The following ROS1 variants were observed in gnomAD, a reference collection of about 807,000 sequenced individuals.
ROS1 encodes proto-oncogene tyrosine-protein kinase ROS.
In ROS1, 263 loss-of-function variants were observed where a neutral mutation model predicts 273.5. The observed-to-expected ratio is 0.96, with a 90% CI of 0.87 to 1.06. The LOEUF (loss-of-function observed/expected upper bound fraction) is 1.06, where lower values mean the gene tolerates loss of function less well. ROS1 is among the 50% of genes least tolerant of loss of function. ROS1 has a pLI of 0.00. For missense variants in ROS1, 2,833 were observed against 2,751.1 expected, an observed-to-expected ratio of 1.03 and a Z score of -0.67; for synonymous variants, 1,008 against 954.1, an observed-to-expected ratio of 1.06 and a Z score of -1.04.
chr6:117,425,109 A>T (rs4640916), intron 1 of ROS1, among the ~76,000 whole-genome samples: 18,967 of 152,218 alleles, frequency 0.12, 1,303 homozygotes, highest in African/African-American at 0.16. Flanking sequence ...TTACATGGCA[A>T]CTGTATCTGC....
chr6:117,359,023 T>C (rs1048878166), intron 24 of ROS1, among the ~76,000 whole-genome samples: 3 of 152,172 alleles, frequency 2.0e-5, no homozygotes, highest in African/African-American at 7.2e-5. Flanking sequence ...CTTAGCACAG[T>C]AAAGGAGGCC....
In ROS1 at chr6:117,366,252, C is replaced by G. The variant is rs760081041; in HGVS notation, c.2621G>C (p.Ser874Thr). The G allele has an allele frequency of 4.3e-6, 7 of 1,614,078 alleles. No homozygotes were observed. Among genetic ancestry groups the G allele is most frequent in the Non-Finnish European group, 5.9e-6 (7 of 1,179,972 alleles). ...DTTITEFAAWSTSEISQNALM... is the reference protein window; with the variant it reads ...DTTITEFAAWTTSEISQNALM... ...TGCATTCTGGGAAATTTCAGAAGTACTCCAGGCTGCAAATTCTGTGATGGT... is the reference window on the plus strand; with the variant it reads ...TGCATTCTGGGAAATTTCAGAAGTAGTCCAGGCTGCAAATTCTGTGATGGT... The change falls in exon 19 of 44, where the codon AGT becomes ACT. Residue 874 changes from serine to threonine, a missense_variant. Transcript: ENST00000368507.
At chr6:117,375,912 C>G (rs1177947526) in intron 18 of ROS1, among the ~76,000 whole-genome samples, 1 of 151,896 alleles carries the variant, frequency 6.6e-6, no homozygotes, top group Non-Finnish European at 1.5e-5. Flanking sequence ...TAATATAGAC[C>G]TTGAAAGAAA....
chr6:117,394,088 A>T, intron 11 of ROS1, 74 bp downstream of exon 11: 1 of 920,126 alleles, frequency 1.1e-6, no homozygotes, highest in Non-Finnish European at 1.6e-6. Context: ...AATTGTGTTT[A>T]GTATTAAATA....
In ROS1 at chr6:117,365,189, G is replaced by T; in HGVS notation, c.2974C>A (p.Gln992Lys). Residue 992 changes from glutamine (Q) to lysine (K), a missense_variant, in exon 21 of 44, where the codon CAA (glutamine) becomes AAA (lysine). Coordinates refer to ENST00000368507, the MANE Select transcript of ROS1 (RefSeq NM_001378902.1). ...SAHSKFLASEQHSLPVFTVEG... is the reference protein window; with the variant it reads ...SAHSKFLASEKHSLPVFTVEG... ...ACAGTAAATACAGGTAAAGAGTGTT[G>T]TTCACTAGCCAAGAACTAAAATATA... The T allele has an allele frequency of 3.1e-6, 5 of 1,602,356 alleles. No individual in the cohort carries two copies. The highest frequency in any genetic ancestry group is 2.7e-5 in the African/African-American group (2 of 74,398).
At position 117,389,396 on chromosome 6, in the gene ROS1, G is replaced by C. The variant is rs2128703724; in HGVS notation, c.1740C>G (p.His580Gln). 1 of 1,614,178 alleles carries C rather than the reference G, an allele frequency of 6.2e-7. No individual in the cohort carries two copies. The highest frequency in any genetic ancestry group is 8.5e-7 in the Non-Finnish European group (1 of 1,180,044). The change falls in exon 13 of 44, where the codon CAC becomes CAG. Residue 580 changes from histidine to glutamine, a missense_variant. Coordinates refer to ENST00000368507, the MANE Select transcript of ROS1 (RefSeq NM_001378902.1). ...GAGGCTTCCATTGAACAAGAGCCTGGTGAGAGCCAAACAGCACCGAAAGCT... is the reference window on the plus strand; with the variant it reads ...GAGGCTTCCATTGAACAAGAGCCTGCTGAGAGCCAAACAGCACCGAAAGCT... The part of the protein sequence containing the change: ...PQELSVLFGS[H>Q]QALVQWKPPA...
At chr6:117,408,656 C>T (rs549101644) in intron 5 of ROS1, among the ~76,000 whole-genome samples, 3 of 152,262 alleles carry the variant, frequency 2.0e-5, no homozygotes, top group Non-Finnish European at 2.9e-5. Context: ...GTCAGTGTGG[C>T]GATTCCTTAG....
At chr6:117,361,858 G>A (rs550133663) in intron 22 of ROS1, among the ~76,000 whole-genome samples, 4 of 151,938 alleles carry the variant, frequency 2.6e-5, no homozygotes, top group South Asian at 2.1e-4. Flanking sequence ...TTCCAGCCAC[G>A]CAGCTTTGGT....
At chr6:117,392,520 A>G (rs1773148011) in intron 12 of ROS1, among the ~76,000 whole-genome samples, 1 of 152,180 alleles carries the variant, frequency 6.6e-6, no homozygotes, top group African/African-American at 2.4e-5. Flanking sequence ...TCATATTCAT[A>G]TATATCTGGA....
At position 117,409,585 on chromosome 6, in the gene ROS1, G is replaced by C. The variant is rs1562379765; in HGVS notation, c.313C>G (p.Leu105Val). 2 of 1,612,792 alleles carry C rather than the reference G, an allele frequency of 1.2e-6. No homozygotes were observed. Among genetic ancestry groups the C allele is most frequent in the African/African-American group, 1.3e-5 (1 of 74,952 alleles). The change falls in exon 5 of 44, where the codon CTG becomes GTG. Residue 105 changes from leucine (L) to valine (V), a missense_variant. Transcript: ENST00000368507. ...AAAGTCGTGTGTGTCCTCTTACCCA[G>C]TACTTCCTCTTCATATGCACCTTCC... ...SAEGAYEEEV[L>V]ENADLPTAPF...
chr6:117,418,438 T>C (rs2128746343), intron 2 of ROS1, 24 bp downstream of exon 2: 1 of 1,543,906 alleles, frequency 6.5e-7, no homozygotes, highest in Non-Finnish European at 8.9e-7. Context: ...TGTAATATTC[T>C]TGACAACTGA....
At chr6:117,297,846 T>C (rs1774369807) in intron 43 of ROS1, among the ~76,000 whole-genome samples, 2 of 152,090 alleles carry the variant, frequency 1.3e-5, no homozygotes, top group African/African-American at 4.8e-5. Context: ...GATCTAGCAA[T>C]CAATCCAGCA....
chr6:117,334,302 C>T (rs1467723402), intron 32 of ROS1, among the ~76,000 whole-genome samples: 1 of 152,056 alleles, frequency 6.6e-6, no homozygotes, highest in African/African-American at 2.4e-5. Context: ...TGTGAAGGAC[C>T]TCTTCAAGGA....
rs766232395 is a variant in ROS1 at position 117,389,625 on chromosome 6, G to C, written c.1511C>G (p.Pro504Arg). ...SASHLILPRI[P>R]FADVKSFACE... ...AGCAAAACTTTTCACATCAGCAAAG[G>C]GGATGCGAGGTAGGATGAGATGGGA... The change falls in exon 13 of 44, where the codon CCC becomes CGC. Residue 504 changes from proline to arginine, a missense_variant. Pro to Arg is a moderately radical substitution (Grantham distance 103, BLOSUM62 -2). Transcript: ENST00000368507. The C allele has an allele frequency of 9.3e-6, 15 of 1,614,170 alleles. No homozygotes were observed. The highest frequency in any genetic ancestry group is 1.3e-5 in the Non-Finnish European group (15 of 1,180,024).
At chr6:117,383,009 T>C (rs1219943640) in intron 17 of ROS1, among the ~76,000 whole-genome samples, 2 of 152,138 alleles carry the variant, frequency 1.3e-5, no homozygotes, top group African/African-American at 4.8e-5. Context: ...CTTAAGACTA[T>C]AAAAACAGTT....
intron 6 of ROS1, 92 bp from the exon 7 acceptor site, chr6:117,403,369 G>T: frequency 1.6e-6 from 2 of 1,237,360 alleles, no homozygotes; most frequent in Non-Finnish European, 2.3e-6. Flanking sequence ...AAGATGGATG[G>T]CTCAACAGAG....
rs1772868237 is a variant in ROS1 at position 117,389,459 on chromosome 6, T to C, written c.1677A>G (p.Ser559=). 3.1e-6 allele frequency: 5 copies of C among 1,614,156 alleles called. No individual in the cohort carries two copies. In the East Asian group the frequency reaches 6.7e-5, roughly 22 times the overall value. ...CTGGCAGAGGGTGCAGCTGGGAGGA[T>C]GAGCCAAAGATGACCAAGTTACCAA... ...FGFGNLVIFG[S]SSQLHPLPGR... is the part of the protein sequence containing the mutation. The change falls in exon 13 of 44, where the codon TCA becomes TCG. Residue 559 remains serine, a synonymous_variant. Coordinates refer to ENST00000368507, the MANE Select transcript of ROS1 (RefSeq NM_001378902.1).
intron 31 of ROS1, among the ~76,000 whole-genome samples, chr6:117,338,291 G>A (rs752606445): frequency 3.3e-5 from 5 of 151,798 alleles, no homozygotes; most frequent in Non-Finnish European, 7.4e-5. Flanking sequence ...TTTCTATTCA[G>A]TAAGGAATGA....
At chr6:117,389,943 T>A in intron 12 of ROS1, 97 bp from the exon 13 acceptor site, 5 of 1,082,568 alleles carry the variant, frequency 4.6e-6, no homozygotes, top group Non-Finnish European at 6.6e-6. Context: ...CAATCAGAAC[T>A]ATGTATCTCT....
Sources: allele counts gnomAD v4.1 joint callset (sites outside exome capture counted in the v4.1 genomes callset), GRCh38; gene constraint gnomAD v4.1.1; transcripts MANE v1.5; gene names NCBI Gene and HGNC (gene_info 2026-07-23, HGNC 2026-07-21).